DNAH5: variants seen among roughly 807,000 people sequenced by gnomAD.
DNAH5 encodes axonemal beta dynein heavy chain 5.
A neutral mutation model predicts 518.2 loss-of-function variants in DNAH5; 372 were observed. That is an observed-to-expected ratio of 0.72 (90% CI 0.66 to 0.78). The LOEUF (loss-of-function observed/expected upper bound fraction) is 0.78, where lower values mean the gene tolerates loss of function less well. Ranked by LOEUF, DNAH5 falls within the 30% of genes least tolerant of loss-of-function variation. The pLI is 0.00. For synonymous variants in DNAH5, 2,039 were observed against 2,025.9 expected, an observed-to-expected ratio of 1.01 and a Z score of -0.17; for missense variants, 5,523 against 5,687.0, an observed-to-expected ratio of 0.97 and a Z score of 0.93.
chr5:13,811,671 C>A lies in DNAH5; in HGVS notation c.7383G>T (p.Met2461Ile), dbSNP rs951231755. Residue 2461 changes from methionine to isoleucine, a missense_variant, in exon 44 of 79, where the codon ATG becomes ATT. Physicochemically the swap from Met to Ile is conservative, Grantham distance 10. Around this residue, in one of 3 missense-constraint regions of DNAH5, gnomAD observed 5,121 missense variants for 5,223.3 expected, o/e 0.98. Transcript: ENST00000265104. The stretch of plus-strand genomic sequence containing the variant: ...CCTTCAGAGGAATCAGGCCTTGAAG[C>A]ATGTTAATGCTCTGTGTGATGACAA... The part of the protein sequence containing the change: ...EAFVITQSIN[M>I]LQGLIPLKEQ... 4 of 1,614,012 alleles carry A rather than the reference C, an allele frequency of 2.5e-6. No homozygotes were observed. The African/African-American group carries it at 5.3e-5, about 22-fold the overall frequency.
intron 30 of DNAH5, among the ~76,000 whole-genome samples, chr5:13,852,466 CAGTTT>C (rs1767017329): frequency 7.5e-6 from 1 of 133,220 alleles, no homozygotes; most frequent in African/African-American, 2.7e-5. Context: ...CACGCCCAGC[CAGTTT>C]ATTTTTTTTT....
intron 73 of DNAH5, 67 bp from the exon 74 acceptor site, chr5:13,716,757 C>A (rs1371145890): frequency 9.4e-6 from 10 of 1,066,530 alleles, no homozygotes; most frequent in South Asian, 2.6e-5. Flanking sequence ...CCTGCCAAGT[C>A]ACACCCATGT....
rs1305848650 is a variant in DNAH5 at position 13,883,098 on chromosome 5, A to C, written c.2984-4T>G. ...ATGTTAGAGGCACTGTTACTGTCTG[A>C]GTTAACCCAAAACAAGGAAGAATTC... On this transcript the variant is annotated splice_region_variant and splice_polypyrimidine_tract_variant and intron_variant, in intron 19 of 78. Transcript: ENST00000265104. 5 of 1,613,474 alleles carry C rather than the reference A, an allele frequency of 3.1e-6. No individual in the cohort carries two copies. Among genetic ancestry groups the C allele is most frequent in the Non-Finnish European group, 4.2e-6 (5 of 1,180,030 alleles).
At chr5:13,849,468 C>T (rs1391083172) in intron 31 of DNAH5, among the ~76,000 whole-genome samples, 2 of 152,196 alleles carry the variant, frequency 1.3e-5, no homozygotes, top group African/African-American at 4.8e-5. Context: ...AATAGAAATT[C>T]CTCCAAATTA....
At chr5:13,994,661 C>T (rs567286067) in intron 1 of DNAH5, among the ~76,000 whole-genome samples, 1 of 152,296 alleles carries the variant, frequency 6.6e-6, no homozygotes, top group East Asian at 1.9e-4. Flanking sequence ...ATAGTCTCTT[C>T]TGCTCATAAG....
chr5:13,894,271 A>T (rs1773634352), intron 16 of DNAH5, among the ~76,000 whole-genome samples: 1 of 152,144 alleles, frequency 6.6e-6, no homozygotes, highest in Non-Finnish European at 1.5e-5. Context: ...GTTTGTTTAA[A>T]TTTTTCCCAT....
chr5:13,819,448 T>G (rs1011587630), intron 41 of DNAH5, among the ~76,000 whole-genome samples: 1 of 152,096 alleles, frequency 6.6e-6, no homozygotes, highest in African/African-American at 2.4e-5. Context: ...CTGGCAATCC[T>G]CAGCAACCAC....
chr5:13,914,025 G>A, intron 10 of DNAH5, 67 bp from the exon 11 acceptor site: 1 of 1,549,648 alleles, frequency 6.5e-7, no homozygotes, highest in Non-Finnish European at 8.7e-7. Context: ...TTTCTTAAGT[G>A]AAGGCGACAG....
chr5:13,788,601 A>C, intron 51 of DNAH5, 115 bp downstream of exon 51: 1 of 856,246 alleles, frequency 1.2e-6, no homozygotes, highest in Non-Finnish European at 2.0e-6. Flanking sequence ...TCAGGCTTGT[A>C]TCAATAAAGT....
intron 68 of DNAH5, among the ~76,000 whole-genome samples, chr5:13,734,550 A>C (rs1747078225): frequency 6.6e-6 from 1 of 152,150 alleles, no homozygotes; most frequent in Non-Finnish European, 1.5e-5. Context: ...CTCATCACCC[A>C]GTCACTTTGT....
At chr5:13,819,781 A>AT (rs1761976234) in intron 41 of DNAH5, among the ~76,000 whole-genome samples, 1 of 152,204 alleles carries the variant, frequency 6.6e-6, no homozygotes, top group Admixed American at 6.5e-5. Context: ...AAATGCATTT[A>AT]TTTAACTTCA....
chr5:13,944,491 C>CCAT lies in DNAH5; in HGVS notation c.-54_-53insATG. 2 of 1,521,984 alleles carry CCAT rather than the reference C, an allele frequency of 1.3e-6. No individual in the cohort carries two copies. Among genetic ancestry groups the CCAT allele is most frequent in the Non-Finnish European group, 1.8e-6 (2 of 1,101,662 alleles). The allele number at this position is 1,521,984 out of a possible 1,614,324, so 94.3% of individuals were successfully genotyped here. ...CAGCTCTTCCGGAATGGTCTTCTAA[C>CCAT]TCCTGGCAGACCTGCTCAACATCCA... On this transcript the variant is annotated 5_prime_UTR_variant, in exon 1 of 79. The change creates a new upstream start codon in the 5' untranslated region. Transcript: ENST00000265104.
chr5:13,921,749 C>T (rs1364083770), intron 5 of DNAH5, among the ~76,000 whole-genome samples: 1 of 82,268 alleles, frequency 1.2e-5, no homozygotes, highest in Non-Finnish European at 2.7e-5. Context: ...CGCCCACACA[C>T]ACCCCCCCAC....
At chr5:13,857,798 T>C (rs1430423795) in intron 30 of DNAH5, among the ~76,000 whole-genome samples, 1 of 152,176 alleles carries the variant, frequency 6.6e-6, no homozygotes, top group Non-Finnish European at 1.5e-5. Flanking sequence ...TTGGGAAAAC[T>C]GGCTAGCCAT....
intron 51 of DNAH5, among the ~76,000 whole-genome samples, chr5:13,788,486 T>A (rs571789301): frequency 6.6e-6 from 1 of 152,290 alleles, no homozygotes; most frequent in South Asian, 2.1e-4. Flanking sequence ...GCCCCCCAAC[T>A]CTACTTTAAT....
chr5:13,799,361 T>C (rs1415042252), intron 47 of DNAH5, among the ~76,000 whole-genome samples: 1 of 152,162 alleles, frequency 6.6e-6, no homozygotes, highest in African/African-American at 2.4e-5. Context: ...ATTTTATGTA[T>C]TGGGAAGCTT....
At chr5:13,857,948 T>A (rs1462293937) in intron 30 of DNAH5, among the ~76,000 whole-genome samples, 1 of 152,186 alleles carries the variant, frequency 6.6e-6, no homozygotes, top group African/African-American at 2.4e-5. Flanking sequence ...GACATAGGCA[T>A]GGGCAAAGAC....
At chr5:13,701,793 T>C (rs1436570636) in intron 76 of DNAH5, among the ~76,000 whole-genome samples, 1 of 148,692 alleles carries the variant, frequency 6.7e-6, no homozygotes, top group East Asian at 2.0e-4. Flanking sequence ...GGATTAAATT[T>C]AAAGGCTTTC....
intron 1 of DNAH5, among the ~76,000 whole-genome samples, chr5:13,978,100 C>T (rs2152063883): frequency 6.6e-6 from 1 of 152,310 alleles, no homozygotes; most frequent in African/African-American, 2.4e-5. Context: ...GAATATGGAG[C>T]ACTTTCATGC....
Sources: allele counts gnomAD v4.1 joint callset (sites outside exome capture counted in the v4.1 genomes callset), GRCh38; gene constraint gnomAD v4.1.1; regional missense constraint gnomAD v4.1.1; transcripts MANE v1.5; gene names NCBI Gene and HGNC (gene_info 2026-07-23, HGNC 2026-07-21).